The following CLPTM1 variants were observed in gnomAD, a reference collection of about 807,000 sequenced individuals.
CLPTM1 encodes the protein CLPTM1 regulator of GABA type A receptor forward trafficking.
A neutral mutation model predicts 77.3 loss-of-function variants in CLPTM1; 21 were observed. The observed-to-expected ratio is 0.27, with a 90% CI of 0.19 to 0.39. The LOEUF (loss-of-function observed/expected upper bound fraction) is 0.39. CLPTM1 is among the 10% of genes least tolerant of loss of function. The pLI, the probability that CLPTM1 is intolerant of heterozygous loss-of-function variation, is 1.00. For synonymous variants in CLPTM1, 373 were observed against 381.0 expected (o/e 0.98, Z 0.24); for missense variants, 642 against 921.2 (o/e 0.70, Z 3.92).
chr19:44,985,337 C>A, intron 6 of CLPTM1, 34 bp downstream of exon 6: 1 of 1,409,348 alleles, frequency 7.1e-7, no homozygotes, highest in Non-Finnish European at 1.0e-6. Flanking sequence ...CCTATAGGGA[C>A]CAAGCCAGGC....
intron 5 of CLPTM1, among the ~76,000 whole-genome samples, chr19:44,979,208 G>A (rs1256722654): frequency 2.0e-5 from 3 of 152,094 alleles, no homozygotes; most frequent in African/African-American, 4.8e-5. Flanking sequence ...TCAAACTCCT[G>A]ACCTCAAGTG....
At chr19:44,970,702 C>T (rs1970703751) in intron 2 of CLPTM1, among the ~76,000 whole-genome samples, 1 of 143,146 alleles carries the variant, frequency 7.0e-6, no homozygotes, top group Non-Finnish European at 1.5e-5. Flanking sequence ...CAGCCTAGGC[C>T]AGCATTTTTG....
chr19:44,964,298 C>CTTTTTTTTTTTTTTTTT lies in CLPTM1; in HGVS notation c.185+2237_185+2253dup, dbSNP rs35539206. 4.5e-4 allele frequency among the ~76,000 whole-genome samples: 31 copies of CTTTTTTTTTTTTTTTTT among 68,154 alleles called. 4 individuals carry two copies. The highest frequency in any genetic ancestry group is 6.9e-4 in the Non-Finnish European group (26 of 37,718). 44.7% of individuals were successfully genotyped at this position (68,154 alleles called of 152,430 possible). On this transcript the variant is annotated intron_variant, in intron 2 of 13. Coordinates refer to ENST00000337392, the MANE Select transcript of CLPTM1 (RefSeq NM_001294.4). Reference sequence around the variant, plus strand: ...TTTTAACCTATGTTTTCATTTTAACCTTTTTTTTTTTTTTTTTTTTTTTTT... The same window carrying CTTTTTTTTTTTTTTTTT: ...TTTTAACCTATGTTTTCATTTTAACCTTTTTTTTTTTTTTTTTTTTTTTTTTTTTTTTTTTTTTTTTT...
chr19:44,990,706 TGA>T lies in CLPTM1; in HGVS notation c.1323+123_1323+124del. On this transcript the variant is annotated intron_variant, in intron 10 of 13. Coordinates refer to ENST00000337392, the MANE Select transcript of CLPTM1 (RefSeq NM_001294.4). This position sits in a 1 kb window ranked among gnomAD's most constrained non-coding sequence, Gnocchi z 4.8. ...CCAGCAAGTGCCTCACTCCCAGGAC[TGA>T]GGGGATTTTCTCACCAGGGGATTTT... is the stretch of plus-strand genomic sequence containing the variant. 2.2e-6 allele frequency: 3 copies of T among 1,357,228 alleles called. No homozygotes were observed. Among genetic ancestry groups the T allele is most frequent in the Admixed American group, 1.8e-5 (1 of 54,548 alleles). 84.1% of individuals were successfully genotyped at this position (1,357,228 alleles called of 1,614,324 possible). A position where few individuals can be genotyped will look rare whatever the true frequency, so the allele number is the denominator to read the frequency against.
intron 2 of CLPTM1, 25 bp from the exon 3 acceptor site, chr19:44,973,062 A>G: frequency 1.2e-6 from 2 of 1,611,442 alleles, no homozygotes; most frequent in Non-Finnish European, 1.7e-6. Context: ...TTGGGGACTC[A>G]CCACCTTGCT....
At chr19:44,955,209 A>G (rs143674704), upstream of CLPTM1, 27,281 of 1,528,284 alleles carry the variant, frequency 0.018, 283 homozygotes, top group Non-Finnish European at 0.02. Flanking sequence ...TGGGAGAAAG[A>G]CGAGTACGGT....
rs751016937 is a variant in CLPTM1 at position 44,974,495 on chromosome 19, G to T, written c.366G>T (p.Ser122=). The change falls in exon 4 of 14, where the codon TCG becomes TCT. Residue 122 remains serine (S), a synonymous_variant. Coordinates refer to ENST00000337392, the MANE Select transcript of CLPTM1 (RefSeq NM_001294.4). The stretch of plus-strand genomic sequence containing the variant: ...ACTTTACAGACTTCAACGCCACGTC[G>T]GCACTCTTCTGGGAACAGCACGATC... ...HEHFTDFNAT[S]ALFWEQHDLV... The T allele has an allele frequency of 7.4e-6, 12 of 1,614,136 alleles. No individual in the cohort carries two copies. In the South Asian group the frequency reaches 7.7e-5, roughly 10 times the overall value.
intron 2 of CLPTM1, among the ~76,000 whole-genome samples, chr19:44,963,033 T>TA (rs1449325440): frequency 1.5e-5 from 2 of 131,832 alleles, no homozygotes; most frequent in East Asian, 5.4e-4. Context: ...TCAAAAAAAA[T>TA]AAAAAATACA....
chr19:44,970,588 A>G (rs977366555), intron 2 of CLPTM1, among the ~76,000 whole-genome samples: 1 of 145,028 alleles, frequency 6.9e-6, no homozygotes, highest in Admixed American at 6.8e-5. Context: ...TATTTTTTGT[A>G]GAAACTGTGT....
chr19:44,961,784 G>A (rs1055182798), intron 1 of CLPTM1, among the ~76,000 whole-genome samples, 179 bp from the exon 2 acceptor site: 1 of 152,194 alleles, frequency 6.6e-6, no homozygotes, highest in Non-Finnish European at 1.5e-5. Flanking sequence ...TGCTCTGCGA[G>A]TGTTTTCCTC....
chr19:44,982,950 A>G (rs1213854976), intron 5 of CLPTM1, among the ~76,000 whole-genome samples: 1 of 151,946 alleles, frequency 6.6e-6, no homozygotes, highest in Non-Finnish European at 1.5e-5. Context: ...AATCCCGGCT[A>G]CTCGGGAGGC....
At chr19:44,989,455 C>G (rs1437791361) in intron 9 of CLPTM1, among the ~76,000 whole-genome samples, 1 of 152,138 alleles carries the variant, frequency 6.6e-6, no homozygotes, top group East Asian at 1.9e-4. Context: ...CCCACGAGAA[C>G]CCACCAGAAC....
At chr19:44,962,565 C>A (rs1970561062) in intron 2 of CLPTM1, among the ~76,000 whole-genome samples, 1 of 152,080 alleles carries the variant, frequency 6.6e-6, no homozygotes, top group African/African-American at 2.4e-5. Context: ...TCCTAAGCTC[C>A]TCTTATGGGG....
At chr19:44,974,306 T>TTCCTCTC in intron 3 of CLPTM1, 133 bp from the exon 4 acceptor site, 3 of 799,456 alleles carry the variant, frequency 3.8e-6, no homozygotes, top group Non-Finnish European at 5.8e-6. Context: ...TCTGCTGCTC[T>TTCCTCTC]TCCTCTCTCC....
chr19:44,987,067 G>A, intron 7 of CLPTM1, 112 bp from the exon 8 acceptor site: 1 of 1,373,636 alleles, frequency 7.3e-7, no homozygotes, highest in South Asian at 1.4e-5. Context: ...AATGTCCCCT[G>A]TCCTCCAGTC....
chr19:44,988,393 C>T (rs936758577), intron 9 of CLPTM1, among the ~76,000 whole-genome samples: 7 of 152,206 alleles, frequency 4.6e-5, no homozygotes, highest in Admixed American at 2.0e-4. Context: ...GGGGCTGGCC[C>T]GCTGGTGGGG....
Position 44,962,081 on chromosome 19 carries a change from C to G in CLPTM1, c.185+6C>G. On this transcript the variant is annotated splice_donor_region_variant and intron_variant, in intron 2 of 13. Transcript: ENST00000337392. ...ATCAAAGGTGTGCTGTTTAGGTGAG[C>G]AGACGGGACTTGGGTTTGTTCACCG... The G allele has an allele frequency of 2.6e-6, 4 of 1,553,034 alleles. No homozygotes were observed. Among genetic ancestry groups the G allele is most frequent in the Non-Finnish European group, 3.5e-6 (4 of 1,145,926 alleles).
Position 44,992,968 on chromosome 19 carries a change from C to T in CLPTM1, c.*71C>T. Reference sequence around the variant, plus strand: ...CTGCGTCCCGGCCCCCTCGCCTCCCCTCCCTGTCGCCCTTTCCCTGGACAG... The same window carrying T: ...CTGCGTCCCGGCCCCCTCGCCTCCCTTCCCTGTCGCCCTTTCCCTGGACAG... On this transcript the variant is annotated 3_prime_UTR_variant, in exon 14 of 14. Coordinates refer to ENST00000337392, the MANE Select transcript of CLPTM1 (RefSeq NM_001294.4). The surrounding 1 kb of genome is among the most constrained non-coding windows in gnomAD (Gnocchi z 7.7). The T allele has an allele frequency of 1.3e-6, 2 of 1,524,204 alleles. No individual in the cohort carries two copies. Among genetic ancestry groups the T allele is most frequent in the Non-Finnish European group, 1.8e-6 (2 of 1,124,360 alleles). The allele number at this position is 1,524,204 out of a possible 1,614,324, so 94.4% of individuals were successfully genotyped here. A position where few individuals can be genotyped will look rare whatever the true frequency, so the allele number is the denominator to read the frequency against.
chr19:44,987,567 C>T (rs1971001574), intron 8 of CLPTM1, 144 bp downstream of exon 8: 2 of 1,170,600 alleles, frequency 1.7e-6, no homozygotes, highest in Admixed American at 2.3e-5. Flanking sequence ...GTCCCTTCTC[C>T]ACAGTGAAAG....
Sources: allele counts gnomAD v4.1 joint callset (sites outside exome capture counted in the v4.1 genomes callset), GRCh38; gene constraint gnomAD v4.1.1; non-coding constraint Gnocchi (gnomAD v3.1); transcripts MANE v1.5; gene names NCBI Gene and HGNC (gene_info 2026-07-23, HGNC 2026-07-21).